DIAPH3: variants seen among roughly 807,000 people sequenced by gnomAD.
DIAPH3 encodes protein diaphanous homolog 3.
In DIAPH3, 117 loss-of-function variants were observed where a neutral mutation model predicts 144.3. The ratio of observed to expected loss-of-function variants is 0.81; its 90% confidence interval spans 0.70 to 0.95. The LOEUF is 0.95. Among genes scored for constraint, DIAPH3 ranks in the 40% least tolerant of loss-of-function variants. The pLI is 0.00. For missense variants in DIAPH3, 1,421 were observed against 1,412.7 expected (o/e 1.01, Z -0.09); for synonymous variants, 519 against 488.9 (o/e 1.06, Z -0.81).
chr13:59,825,657 G>A (rs2041364144), intron 24 of DIAPH3, among the ~76,000 whole-genome samples: 2 of 152,162 alleles, frequency 1.3e-5, no homozygotes, highest in African/African-American at 2.4e-5. Context: ...TACCAACAGT[G>A]TAAAAGTGTT....
intron 17 of DIAPH3, among the ~76,000 whole-genome samples, chr13:59,953,274 T>A (rs1214268519): frequency 6.6e-6 from 1 of 151,962 alleles, no homozygotes; most frequent in African/African-American, 2.4e-5. Flanking sequence ...GGTTGCCCAG[T>A]ATGGTAGAAG....
At chr13:59,865,211 T>A (rs1385315968) in intron 21 of DIAPH3, among the ~76,000 whole-genome samples, 1 of 152,010 alleles carries the variant, frequency 6.6e-6, no homozygotes, top group African/African-American at 2.4e-5. Context: ...ATGTATTAGG[T>A]CCTTATCCAT....
intron 25 of DIAPH3, among the ~76,000 whole-genome samples, chr13:59,799,375 G>GCACACACACACACA (rs56979042): frequency 2.9e-5 from 4 of 139,248 alleles, no homozygotes; most frequent in Admixed American, 7.2e-5. Flanking sequence ...CTGGAAATAT[G>GCACACACACACACA]CACACACACA....
intron 5 of DIAPH3, among the ~76,000 whole-genome samples, chr13:60,028,039 G>A (rs1411294291): frequency 6.6e-6 from 1 of 151,872 alleles, no homozygotes; most frequent in Non-Finnish European, 1.5e-5. Flanking sequence ...CACTCATAAT[G>A]CTCCCCTCCA....
At chr13:60,125,439 C>T (rs1445715612) in intron 2 of DIAPH3, among the ~76,000 whole-genome samples, 3 of 131,460 alleles carry the variant, frequency 2.3e-5, no homozygotes, top group Non-Finnish European at 3.2e-5. Context: ...CAGGGTCTCC[C>T]TATCTTGCCC....
intron 27 of DIAPH3, among the ~76,000 whole-genome samples, chr13:59,743,245 T>C (rs1444028345): frequency 1.3e-5 from 2 of 152,210 alleles, no homozygotes; most frequent in Non-Finnish European, 2.9e-5. Context: ...GGGATGTTAC[T>C]GCAACAAAGC....
intron 14 of DIAPH3, among the ~76,000 whole-genome samples, chr13:59,978,634 A>C (rs1353628919): frequency 6.6e-6 from 1 of 151,744 alleles, no homozygotes; most frequent in African/African-American, 2.4e-5. Context: ...GCCTATAAAA[A>C]GATAGCTGAA....
chr13:59,741,308 T>C (rs2036431797), intron 27 of DIAPH3, among the ~76,000 whole-genome samples: 1 of 152,130 alleles, frequency 6.6e-6, no homozygotes, highest in Non-Finnish European at 1.5e-5. Flanking sequence ...TGAATATCTA[T>C]AGAGGGGAAA....
chr13:59,830,131 G>A (rs562582652), intron 24 of DIAPH3, among the ~76,000 whole-genome samples: 8 of 151,932 alleles, frequency 5.3e-5, no homozygotes, highest in African/African-American at 1.9e-4. Context: ...ACATTAACCT[G>A]ATTTTCAAAG....
At chr13:60,000,739 C>T (rs943504513) in intron 9 of DIAPH3, among the ~76,000 whole-genome samples, 2 of 152,176 alleles carry the variant, frequency 1.3e-5, no homozygotes, top group African/African-American at 2.4e-5. Flanking sequence ...CCATCTTTTC[C>T]TTTATTTGCT....
chr13:59,962,670 C>A (rs1453580341), intron 17 of DIAPH3, among the ~76,000 whole-genome samples: 1 of 152,022 alleles, frequency 6.6e-6, no homozygotes, highest in Non-Finnish European at 1.5e-5. Flanking sequence ...AGGTTTACAC[C>A]ATGGTCTAAG....
chr13:59,759,258 C>T (rs367651536), intron 27 of DIAPH3, among the ~76,000 whole-genome samples: 176 of 152,220 alleles, frequency 1.2e-3, no homozygotes, highest in African/African-American at 4.0e-3. Context: ...TATGGGCCTA[C>T]AACACAAAAA....
chr13:59,883,757 A>G (rs957523700), intron 20 of DIAPH3, among the ~76,000 whole-genome samples: 1 of 151,440 alleles, frequency 6.6e-6, no homozygotes, highest in African/African-American at 2.4e-5. Context: ...CAATTTACAA[A>G]CCATCTGGAA....
chr13:60,136,921 CAG>C (rs1383671255), intron 1 of DIAPH3, among the ~76,000 whole-genome samples: 4 of 147,838 alleles, frequency 2.7e-5, no homozygotes, highest in African/African-American at 5.0e-5. Flanking sequence ...GCCTGGGCGA[CAG>C]AGCGAGACTC....
chr13:59,754,418 C>A (rs1357961893), intron 27 of DIAPH3, among the ~76,000 whole-genome samples: 2 of 152,046 alleles, frequency 1.3e-5, no homozygotes, highest in Non-Finnish European at 2.9e-5. Context: ...TTCTTTTTGG[C>A]ATCTTATCTT....
chr13:59,762,228 ATT>A (rs1174659961), intron 27 of DIAPH3, among the ~76,000 whole-genome samples: 4 of 151,524 alleles, frequency 2.6e-5, no homozygotes, highest in Non-Finnish European at 5.9e-5. Flanking sequence ...CACCCAGCTA[ATT>A]TTTTGTATTT....
intron 1 of DIAPH3, among the ~76,000 whole-genome samples, chr13:60,158,741 T>TG (rs1019341839): frequency 6.6e-6 from 1 of 151,798 alleles, no homozygotes; most frequent in Non-Finnish European, 1.5e-5. Context: ...CACTGAAGGA[T>TG]GGTTCCTCAT....
At chr13:59,959,115 C>A (rs977346493) in intron 17 of DIAPH3, among the ~76,000 whole-genome samples, 1 of 151,956 alleles carries the variant, frequency 6.6e-6, no homozygotes, top group Non-Finnish European at 1.5e-5. Context: ...ACCTCAGGTG[C>A]TCCACCCACC....
intron 24 of DIAPH3, among the ~76,000 whole-genome samples, chr13:59,813,381 A>G (rs2040591105): frequency 6.6e-6 from 1 of 151,818 alleles, no homozygotes; most frequent in South Asian, 2.1e-4. Context: ...CTCAAATTGG[A>G]TTCTGCATTC....
Sources: gnomAD v4.1 joint callset for allele counts (sites outside exome capture counted in the v4.1 genomes callset) on GRCh38, gnomAD v4.1.1 for gene constraint, MANE v1.5 for transcripts, NCBI Gene and HGNC (gene_info 2026-07-23, HGNC 2026-07-21) for gene names.